The following RFWD3 variants were observed in gnomAD, a reference collection of about 807,000 sequenced individuals.
RFWD3 encodes the protein ring finger and WD repeat domain 3, also known as E3 ubiquitin-protein ligase RFWD3.
Under a neutral mutation model 87.7 loss-of-function variants are expected in RFWD3, and 65 were observed. The ratio of observed to expected loss-of-function variants is 0.74; its 90% CI spans 0.61 to 0.91. The LOEUF (loss-of-function observed/expected upper bound fraction) is 0.91. Among genes scored for constraint, RFWD3 ranks in the 40% least tolerant of loss-of-function variants. The pLI, the probability that RFWD3 is intolerant of heterozygous loss-of-function variation, is 0.00. For missense variants in RFWD3, 1,078 were observed against 938.5 expected, an observed-to-expected ratio of 1.15 and a Z score of -1.94; for synonymous variants, 433 against 352.8, an observed-to-expected ratio of 1.23 and a Z score of -2.55.
chr16:74,650,890 G>GA (rs142592065), intron 3 of RFWD3, among the ~76,000 whole-genome samples: 2,220 of 141,314 alleles, frequency 0.016, 24 homozygotes, highest in Non-Finnish European at 0.023. Flanking sequence ...AAAAACAAAT[G>GA]AAAAAAAAAA....
At chr16:74,658,403 T>C (rs546463770) in intron 2 of RFWD3, among the ~76,000 whole-genome samples, 1 of 152,300 alleles carries the variant, frequency 6.6e-6, no homozygotes, top group East Asian at 1.9e-4. Context: ...CTACTTAGCT[T>C]TCCATAGCTT....
chr16:74,635,497 A>C (rs1013441011), intron 8 of RFWD3, among the ~76,000 whole-genome samples: 1 of 151,904 alleles, frequency 6.6e-6, no homozygotes, highest in Non-Finnish European at 1.5e-5. Flanking sequence ...ACAAGGTAAC[A>C]GAAATACACA....
At chr16:74,646,282 A>G (rs1960133624) in intron 4 of RFWD3, among the ~76,000 whole-genome samples, 1 of 152,204 alleles carries the variant, frequency 6.6e-6, no homozygotes, top group South Asian at 2.1e-4. Context: ...AGGCTGAGGT[A>G]GAAGCATCAC....
At chr16:74,660,818 T>A (rs1961366104) in intron 2 of RFWD3, 114 bp downstream of exon 2, 1 of 1,184,348 alleles carries the variant, frequency 8.4e-7, no homozygotes, top group African/African-American at 1.5e-5. Context: ...GAACTGGGGG[T>A]CAGAAGTTAC....
In RFWD3 at chr16:74,661,159, T is replaced by C. The variant is rs370165832; in HGVS notation, c.291A>G (p.Arg97=). ...GEDTVENINP[R]TSEQHRQGSD... is the part of the protein sequence containing the mutation. ...ATCCCTGCCTATGTTGTTCTGAAGT[T>C]CTTGGATTGATGTTCTCCACAGTGT... The change falls in exon 2 of 13, where the codon AGA becomes AGG. Residue 97 remains arginine, a synonymous_variant. Transcript: ENST00000361070. The C allele has an allele frequency of 1.7e-5, 27 of 1,614,236 alleles. No individual in the cohort carries two copies. In the African/African-American group the frequency reaches 3.1e-4, roughly 18 times the overall value.
intron 12 of RFWD3, 70 bp downstream of exon 12, chr16:74,626,273 C>A (rs1344720190): frequency 7.0e-7 from 1 of 1,420,110 alleles, no homozygotes; most frequent in African/African-American, 1.4e-5. Flanking sequence ...AAAAAAAGTT[C>A]ATGTTTTCCC....
intron 1 of RFWD3, chr16:74,664,378 A>T (rs1961709499): frequency 6.6e-6 from 1 of 152,328 alleles, no homozygotes; most frequent in Admixed American, 6.5e-5. Flanking sequence ...TCAGGAAGAC[A>T]AAGGGGAGAA....
At chr16:74,642,517 T>C (rs893732029) in intron 6 of RFWD3, among the ~76,000 whole-genome samples, 5 of 152,070 alleles carry the variant, frequency 3.3e-5, no homozygotes, top group African/African-American at 9.7e-5. Context: ...CTTTATTTTT[T>C]TGAGACAGGT....
chr16:74,655,881 A>G (rs564512263), intron 2 of RFWD3, among the ~76,000 whole-genome samples: 1 of 152,338 alleles, frequency 6.6e-6, no homozygotes, highest in African/African-American at 2.4e-5. Context: ...TTATCTGTTT[A>G]GAGTATGTCT....
At chr16:74,662,790 A>G (rs1961563746) in intron 1 of RFWD3, among the ~76,000 whole-genome samples, 1 of 152,194 alleles carries the variant, frequency 6.6e-6, no homozygotes, top group Non-Finnish European at 1.5e-5. Flanking sequence ...CTAGGTGACC[A>G]GTGTAGAGGC....
chr16:74,632,157 G>A (rs548717412), intron 9 of RFWD3, among the ~76,000 whole-genome samples: 9 of 151,944 alleles, frequency 5.9e-5, no homozygotes, highest in African/African-American at 1.7e-4. Context: ...TCAGGAGGCC[G>A]AGGCGGGCGG....
chr16:74,630,857 C>T lies in RFWD3; in HGVS notation c.1678G>A (p.Ala560Thr). The change falls in exon 10 of 13, where the codon GCC becomes ACC. Residue 560 changes from alanine to threonine, a missense_variant. Transcript: ENST00000361070. ...DEANYIYAGLANGSILVYDVR... is the reference protein window; with the variant it reads ...DEANYIYAGLTNGSILVYDVR... ...TCATATACCAGAATTGAACCATTGG[C>T]CAGTCCAGCATAGATGTAGTTAGCC... 4 of 1,613,954 alleles carry T rather than the reference C, an allele frequency of 2.5e-6. No individual in the cohort carries two copies. The highest frequency in any genetic ancestry group is 3.4e-6 in the Non-Finnish European group (4 of 1,179,928).
Position 74,623,542 on chromosome 16 carries a change from A to C in RFWD3, c.*386T>G, listed in dbSNP as rs1235199073. On this transcript the variant is annotated 3_prime_UTR_variant, in exon 13 of 13. Transcript: ENST00000361070. ...GGATACTTAAGTGACAGGACAACTCAGATGGGATGTCATATTCCCCAGAAA... is the reference window on the plus strand; with the variant it reads ...GGATACTTAAGTGACAGGACAACTCCGATGGGATGTCATATTCCCCAGAAA... 5.5e-6 allele frequency: 1 copy of C among 182,202 alleles called. No homozygotes were observed. The highest frequency in any genetic ancestry group is 1.7e-4 in the East Asian group (1 of 5,984). The allele number at this position is 182,202 out of a possible 1,614,324, so 11.3% of individuals were successfully genotyped here.
chr16:74,625,397 C>T (rs1320409754), intron 12 of RFWD3, among the ~76,000 whole-genome samples: 2 of 151,538 alleles, frequency 1.3e-5, no homozygotes, highest in African/African-American at 4.8e-5. Flanking sequence ...TGGTGTGCAC[C>T]CAGCTACTTG....
intron 6 of RFWD3, among the ~76,000 whole-genome samples, chr16:74,639,899 C>A (rs1055701872): frequency 6.6e-6 from 1 of 152,134 alleles, no homozygotes; most frequent in African/African-American, 2.4e-5. Flanking sequence ...CTACAAATAT[C>A]GAGATATGTT....
rs567925373 is a variant in RFWD3, at chr16:74,632,411, A to AAAC, written c.1577+109_1577+111dup. On this transcript the variant is annotated intron_variant, in intron 9 of 12. Transcript: ENST00000361070. Reference sequence around the variant, plus strand: ...CATCTCAAAAAAACAAAACAAAACAAAACAACAACAACAACAAAAAACAGA... The same window carrying AAAC: ...CATCTCAAAAAAACAAAACAAAACAAAACAACAACAACAACAACAAAAAACAGA... The AAAC allele has an allele frequency of 5.6e-4, 730 of 1,294,432 alleles. 5 individuals carry two copies. The highest frequency in any genetic ancestry group is 7.1e-4 in the Admixed American group (36 of 50,530). 80.2% of individuals were successfully genotyped at this position (1,294,432 alleles called of 1,614,324 possible).
chr16:74,649,370 AT>A (rs1049802772), intron 3 of RFWD3, 168 bp from the exon 4 acceptor site: 234 of 466,104 alleles, frequency 5.0e-4, no homozygotes, highest in African/African-American at 4.6e-3. Flanking sequence ...CAGTGAATTT[AT>A]TTTTAAAAAT....
chr16:74,657,408 C>G (rs1449674470), intron 2 of RFWD3, among the ~76,000 whole-genome samples: 11 of 151,886 alleles, frequency 7.2e-5, no homozygotes, highest in Admixed American at 7.2e-4. Flanking sequence ...TGTTTCACTA[C>G]TTCCATGGAG....
At chr16:74,656,308 C>CAAAA (rs71158534) in intron 2 of RFWD3, among the ~76,000 whole-genome samples, 21 of 64,186 alleles carry the variant, frequency 3.3e-4, no homozygotes, top group East Asian at 5.4e-4. Context: ...CTTGTCTTGC[C>CAAAA]AAAAAAAAAA....
Sources: gnomAD v4.1 joint callset for allele counts (sites outside exome capture counted in the v4.1 genomes callset) on GRCh38, gnomAD v4.1.1 for gene constraint, MANE v1.5 for transcripts, NCBI Gene and HGNC (gene_info 2026-07-23, HGNC 2026-07-21) for gene names.